FAM199X: variants seen among roughly 807,000 people sequenced by gnomAD.
FAM199X encodes protein FAM199X.
In FAM199X, 4 loss-of-function variants were observed where a neutral mutation model predicts 22.9. The observed-to-expected ratio is 0.17, with a 90% CI of 0.09 to 0.40. The LOEUF is 0.40. FAM199X is among the 10% of genes least tolerant of loss of function. The pLI, the probability that FAM199X is intolerant of heterozygous loss-of-function variation, is 1.00. For missense variants in FAM199X, 183 were observed against 306.8 expected (o/e 0.60, Z 3.01); for synonymous variants, 101 against 112.3 (o/e 0.90, Z 0.64).
intron 2 of FAM199X, among the ~76,000 whole-genome samples, chrX:104,180,455 G>A (rs1921622946): frequency 9.1e-6 from 1 of 110,486 alleles, no homozygotes; most frequent in African/African-American, 3.3e-5. Flanking sequence ...ATGTTGCAAG[G>A]TGGCAGGCAT....
At chrX:104,184,930 A>G (rs573665479) in intron 2 of FAM199X, among the ~76,000 whole-genome samples, 245 of 105,231 alleles carry the variant, frequency 2.3e-3, no homozygotes, top group Middle Eastern at 0.014. Context: ...CACCCAACTA[A>G]TTTTTTTTCC....
chrX:104,186,070 C>G lies in FAM199X; in HGVS notation c.422C>G (p.Pro141Arg), dbSNP rs782412943. ...WSDSEFEWQL[P>R]GSDIASGSDV... is the part of the protein sequence containing the mutation. ...ACCCTCCTTATTTTTATAAAGTTAC[C>G]AGGCAGTGACATTGCCAGTGGGAGT... Residue 141 changes from proline (P) to arginine (R), a missense_variant, in exon 3 of 6, where the codon CCA becomes CGA. By Grantham distance (103) the Pro-to-Arg change is moderately radical (BLOSUM62 -2). Around this residue, in one of 2 missense-constraint regions of FAM199X, gnomAD observed 128 missense variants for 246.2 expected, o/e 0.52. Transcript: ENST00000493442. 1 of 1,203,127 alleles carries G rather than the reference C, an allele frequency of 8.3e-7. No homozygotes were observed. Among genetic ancestry groups the G allele is most frequent in the African/African-American group, 1.7e-5 (1 of 57,378 alleles).
chrX:104,184,898 A>C (rs915195373), intron 2 of FAM199X, among the ~76,000 whole-genome samples: 1 of 107,763 alleles, frequency 9.3e-6, no homozygotes, highest in Non-Finnish European at 1.9e-5. Context: ...CTTACATCTC[A>C]GACCACAGGC....
intron 2 of FAM199X, among the ~76,000 whole-genome samples, chrX:104,177,358 C>G (rs1375984951): frequency 9.0e-6 from 1 of 111,670 alleles, no homozygotes; most frequent in African/African-American, 3.3e-5. Context: ...TGTTCATCCA[C>G]TCATTACCTG....
chrX:104,188,604 A>G (rs1727678337), intron 5 of FAM199X, among the ~76,000 whole-genome samples: 1 of 111,841 alleles, frequency 8.9e-6, no homozygotes, highest in African/African-American at 3.3e-5. Context: ...ATTGACTGCA[A>G]CTCACTACTG....
intron 2 of FAM199X, among the ~76,000 whole-genome samples, chrX:104,184,114 C>T (rs999916390): frequency 8.9e-6 from 1 of 112,207 alleles, no homozygotes; most frequent in African/African-American, 3.2e-5. Context: ...TCATCATGTG[C>T]TGTGTTGTAT....
Position 104,166,954 on chromosome X carries a change from G to T in FAM199X, c.169G>T (p.Asp57Tyr). ...GCQLSSCHRTDPLHRFHTNRW... is the reference protein window; with the variant it reads ...GCQLSSCHRTYPLHRFHTNRW... Reference sequence around the variant, plus strand: ...CCAGCTGTCCTCCTGCCATCGCACCGACCCGCTCCACCGCTTCCACACCAA... The same window carrying T: ...CCAGCTGTCCTCCTGCCATCGCACCTACCCGCTCCACCGCTTCCACACCAA... Residue 57 changes from aspartate (D) to tyrosine (Y), a missense_variant, in exon 1 of 6, where the codon GAC (aspartate) becomes TAC (tyrosine). Transcript: ENST00000493442. The T allele has an allele frequency of 8.5e-7, 1 of 1,176,587 alleles. No individual in the cohort carries two copies. Among genetic ancestry groups the T allele is most frequent in the Non-Finnish European group, 1.1e-6 (1 of 876,655 alleles).
At position 104,172,818 on chromosome X, in the gene FAM199X, C is replaced by T. The variant is rs782171791; in HGVS notation, c.198-2805C>T. ...ATTATCTAACAGTTTTTCCTAGCACCGAACATAGTACTTGGTACATAGAAG... is the reference window on the plus strand; with the variant it reads ...ATTATCTAACAGTTTTTCCTAGCACTGAACATAGTACTTGGTACATAGAAG... On this transcript the variant is annotated intron_variant, in intron 1 of 5. Transcript: ENST00000493442. Among the ~76,000 whole-genome samples the T allele has an allele frequency of 9.1e-5, 10 of 110,036 alleles. No homozygotes were observed. The South Asian group carries it at 2.3e-3, about 25-fold the overall frequency.
At chrX:104,172,696 CT>C (rs1351553481) in intron 1 of FAM199X, among the ~76,000 whole-genome samples, 299 of 98,275 alleles carry the variant, frequency 3.0e-3, no homozygotes, top group Middle Eastern at 5.2e-3. Flanking sequence ...AATATGGCAT[CT>C]TTTTTTTTTT....
chrX:104,173,088 C>T (rs1921399710), intron 1 of FAM199X, among the ~76,000 whole-genome samples: 1 of 111,268 alleles, frequency 9.0e-6, no homozygotes, highest in South Asian at 3.9e-4. Context: ...CCTGCTTCAG[C>T]CTCCCGAGAG....
chrX:104,159,524 A>G, the FAM199X span, among the ~76,000 whole-genome samples: 1 of 112,666 alleles, frequency 8.9e-6, no homozygotes, highest in African/African-American at 3.2e-5. Flanking sequence ...TTTAGAAGCA[A>G]TGCTCTACGT....
chrX:104,178,768 A>T (rs782317934), intron 2 of FAM199X, among the ~76,000 whole-genome samples: 8 of 111,550 alleles, frequency 7.2e-5, no homozygotes, highest in Non-Finnish European at 1.3e-4. Context: ...CGCTAGTACC[A>T]CACTGTTTTA....
At chrX:104,183,188 G>A (rs193101037) in intron 2 of FAM199X, among the ~76,000 whole-genome samples, 16 of 110,105 alleles carry the variant, frequency 1.5e-4, no homozygotes, top group African/African-American at 4.3e-4. Context: ...GAGTTCTTCC[G>A]TTTACCTCAT....
intron 3 of FAM199X, 37 bp downstream of exon 3, chrX:104,186,252 G>T (rs1556379110): frequency 8.5e-7 from 1 of 1,182,603 alleles, no homozygotes; most frequent in South Asian, 1.9e-5. Context: ...AAGCTTTTAT[G>T]TGGAGACTAG....
upstream of FAM199X, among the ~76,000 whole-genome samples, chrX:104,165,827 T>C (rs1238271557): frequency 9.0e-6 from 1 of 111,176 alleles, no homozygotes; most frequent in Non-Finnish European, 1.9e-5. Flanking sequence ...TTAGTCTCCT[T>C]TGGGAGTCAG....
intron 1 of FAM199X, among the ~76,000 whole-genome samples, chrX:104,174,823 A>G (rs1921450224): frequency 8.9e-6 from 1 of 112,319 alleles, no homozygotes; most frequent in Non-Finnish European, 1.9e-5. Context: ...ATTATAGATT[A>G]GTTATTGCTG....
At chrX:104,174,658 A>G (rs1484691003) in intron 1 of FAM199X, among the ~76,000 whole-genome samples, 9 of 112,003 alleles carry the variant, frequency 8.0e-5, no homozygotes, top group Non-Finnish European at 1.3e-4. Flanking sequence ...ATGGAATATT[A>G]TATAGGCATT....
chrX:104,194,428 A>G lies in FAM199X; in HGVS notation c.*4650A>G, dbSNP rs1922010784. On this transcript the variant is annotated 3_prime_UTR_variant, in exon 6 of 6. Transcript: ENST00000493442. ...AACACTTAATATTCTAAATTGTTCT[A>G]AGGAACAGTGGCCTGAAGCCATGAC... 8.9e-6 allele frequency: 1 copy of G among 112,292 alleles called. No individual in the cohort carries two copies. Among genetic ancestry groups the G allele is most frequent in the Non-Finnish European group, 1.9e-5 (1 of 53,119 alleles). The allele number at this position is 112,292 out of a possible 1,213,427, so 9.3% of individuals were successfully genotyped here.
chrX:104,192,886 A>G lies in FAM199X; in HGVS notation c.*3108A>G, dbSNP rs1556380778. On this transcript the variant is annotated 3_prime_UTR_variant, in exon 6 of 6. Coordinates refer to ENST00000493442, the MANE Select transcript of FAM199X (RefSeq NM_207318.4). ...GCTTTTAAAAGTGCTAAATCCTCTC[A>G]TAAAGGAAAAATTATAGGAAACTAT... 1 of 111,724 alleles carries G rather than the reference A, an allele frequency of 9.0e-6. No homozygotes were observed. Among genetic ancestry groups the G allele is most frequent in the African/African-American group, 3.2e-5 (1 of 30,871 alleles). 9.2% of individuals were successfully genotyped at this position (111,724 alleles called of 1,213,427 possible).
Sources: gnomAD v4.1 joint callset for allele counts (sites outside exome capture counted in the v4.1 genomes callset) on GRCh38, gnomAD v4.1.1 for gene constraint, gnomAD v4.1.1 regional missense constraint, MANE v1.5 for transcripts, NCBI Gene and HGNC (gene_info 2026-07-23, HGNC 2026-07-21) for gene names.